Variants in PRKCA observed in about 807,000 individuals in gnomAD.
PRKCA encodes the protein protein kinase C alpha.
Under a neutral mutation model 87.0 loss-of-function variants are expected in PRKCA, and 27 were observed. That is an observed-to-expected ratio of 0.31 (90% CI 0.23 to 0.43). PRKCA has a LOEUF of 0.43. PRKCA is among the 20% of genes least tolerant of loss of function. The pLI is 1.00. For synonymous variants in PRKCA, 329 were observed against 311.1 expected (o/e 1.06, Z -0.61); for missense variants, 518 against 852.3 (o/e 0.61, Z 4.88).
intron 2 of PRKCA, among the ~76,000 whole-genome samples, chr17:66,455,094 C>T (rs1055199188): frequency 6.6e-6 from 1 of 152,158 alleles, no homozygotes; most frequent in Non-Finnish European, 1.5e-5. Flanking sequence ...CTTATTTTTC[C>T]CAGATGAGGA....
At chr17:66,699,882 A>T (rs1255381539) in intron 8 of PRKCA, among the ~76,000 whole-genome samples, 1 of 152,232 alleles carries the variant, frequency 6.6e-6, no homozygotes, top group Non-Finnish European at 1.5e-5. Context: ...CAAACATTTA[A>T]ATAAGAATTA....
At chr17:66,798,078 C>T (rs938993311) in intron 16 of PRKCA, among the ~76,000 whole-genome samples, 1 of 152,306 alleles carries the variant, frequency 6.6e-6, no homozygotes, top group Middle Eastern at 3.4e-3. Context: ...CCTGCCTCAT[C>T]CCTGAGGAGT....
chr17:66,320,139 A>G (rs1040366456), intron 2 of PRKCA, among the ~76,000 whole-genome samples: 3 of 152,200 alleles, frequency 2.0e-5, no homozygotes, highest in Non-Finnish European at 4.4e-5. Flanking sequence ...TTAGAATTTT[A>G]GAGTAAGAAA....
intron 5 of PRKCA, among the ~76,000 whole-genome samples, chr17:66,668,149 C>T (rs184009778): frequency 5.3e-5 from 8 of 152,188 alleles, no homozygotes; most frequent in African/African-American, 1.2e-4. Flanking sequence ...ACAGGGTCTT[C>T]GACCAGCCAA....
chr17:66,401,548 G>T (rs1176892112), intron 2 of PRKCA, among the ~76,000 whole-genome samples: 2 of 152,188 alleles, frequency 1.3e-5, no homozygotes, highest in Non-Finnish European at 2.9e-5. Context: ...GATGTGGACG[G>T]CTTTGTGCTC....
Position 66,411,245 on chromosome 17 carries a change from T to TA in PRKCA, c.206-84956_206-84955insA, listed in dbSNP as rs990785345. On this transcript the variant is annotated intron_variant, in intron 2 of 16. Transcript: ENST00000413366. ...CCCCTGTAGCACCAACATCTGGCTT[T>TA]TTTTTTTTTTTTTAAGATAGATTCT... Among the ~76,000 whole-genome samples the TA allele has an allele frequency of 2.0e-5, 3 of 149,546 alleles. No homozygotes were observed. In the East Asian group the frequency reaches 6.0e-4, roughly 30 times the overall value.
intron 14 of PRKCA, chr17:66,777,494 T>A (rs1975084653): frequency 1.0e-6 from 1 of 965,390 alleles, no homozygotes; most frequent in African/African-American, 2.0e-5. Flanking sequence ...AGAAAGGCAG[T>A]TCGTACACAG....
intron 3 of PRKCA, among the ~76,000 whole-genome samples, chr17:66,522,809 TAA>T (rs1229424235): frequency 1.1e-4 from 14 of 126,276 alleles, no homozygotes; most frequent in Non-Finnish European, 1.2e-4. Flanking sequence ...GGTCGCTCAC[TAA>T]AAAAAAAAAA....
chr17:66,373,528 A>C (rs930084027), intron 2 of PRKCA, among the ~76,000 whole-genome samples: 5 of 152,176 alleles, frequency 3.3e-5, no homozygotes, highest in Admixed American at 3.3e-4. Context: ...ATATCGATTC[A>C]AGTTGTAGGA....
Position 66,624,619 on chromosome 17 carries a change from G to C in PRKCA, c.289-16736G>C, listed in dbSNP as rs528531805. On this transcript the variant is annotated intron_variant, in intron 3 of 16. Transcript: ENST00000413366. ...AGTTTGAGACCAGCGTGGCCAACGT[G>C]GTGAAACCCCCTCTCTACTAAAAAT... Among the ~76,000 whole-genome samples, 11 of 152,098 alleles carry C rather than the reference G, an allele frequency of 7.2e-5. No homozygotes were observed. In the East Asian group the frequency reaches 2.1e-3, roughly 29 times the overall value.
chr17:66,347,941 C>CTTT lies in PRKCA; in HGVS notation c.205+41831_205+41833dup, dbSNP rs57292153. The stretch of plus-strand genomic sequence containing the variant: ...AGAATATTTACTCAGAATTCTGAAC[C>CTTT]TTTTTTTTTTTTTTTTTTTGAGACA... On this transcript the variant is annotated intron_variant, in intron 2 of 16. Transcript: ENST00000413366. Among the ~76,000 whole-genome samples the CTTT allele has an allele frequency of 3.7e-3, 209 of 56,452 alleles. 30 individuals are homozygous for CTTT. Among genetic ancestry groups the CTTT allele is most frequent in the Middle Eastern group, 0.026 (1 of 38 alleles). The allele number at this position is 56,452 out of a possible 152,430, so 37.0% of individuals were successfully genotyped here.
intron 2 of PRKCA, among the ~76,000 whole-genome samples, chr17:66,441,344 C>CAAA (rs141623507): frequency 3.0e-4 from 42 of 140,278 alleles, no homozygotes; most frequent in Admixed American, 1.9e-3. Context: ...GCCCTGTTTC[C>CAAA]AAAAAAAAAA....
chr17:66,787,166 T>C, intron 15 of PRKCA, 192 bp downstream of exon 15: 1 of 765,800 alleles, frequency 1.3e-6, no homozygotes, highest in Non-Finnish European at 2.4e-6. Context: ...CATGGATTAG[T>C]CTTGGCCTGT....
chr17:66,414,909 G>C (rs1263622403), intron 2 of PRKCA: 1 of 152,038 alleles, frequency 6.6e-6, no homozygotes, highest in East Asian at 1.9e-4. Flanking sequence ...ATGATGTTAA[G>C]AAGAGTGGCA....
chr17:66,649,596 C>T (rs192880849), intron 5 of PRKCA, among the ~76,000 whole-genome samples: 1 of 152,338 alleles, frequency 6.6e-6, no homozygotes, highest in African/African-American at 2.4e-5. Flanking sequence ...CACACTCTTG[C>T]TTTCAGTGCA....
chr17:66,348,364 ACTGTCAC>A (rs1274906398), intron 2 of PRKCA, among the ~76,000 whole-genome samples: 1 of 152,194 alleles, frequency 6.6e-6, no homozygotes, highest in Admixed American at 6.5e-5. Context: ...ACCGCCTGGC[ACTGTCAC>A]CTTGACTCAG....
intron 14 of PRKCA, among the ~76,000 whole-genome samples, chr17:66,778,717 T>C (rs1386374657): frequency 6.6e-6 from 1 of 151,720 alleles, no homozygotes; most frequent in African/African-American, 2.4e-5. Flanking sequence ...GGCAAGTGCC[T>C]GTCATCCCAG....
intron 2 of PRKCA, among the ~76,000 whole-genome samples, chr17:66,426,370 G>A (rs1327019530): frequency 3.9e-5 from 6 of 152,160 alleles, no homozygotes; most frequent in African/African-American, 1.4e-4. Flanking sequence ...ACTTGGGAGT[G>A]GTGTTTGACC....
At chr17:66,604,060 C>T (rs1186356406) in intron 3 of PRKCA, among the ~76,000 whole-genome samples, 2 of 152,184 alleles carry the variant, frequency 1.3e-5, no homozygotes, top group South Asian at 2.1e-4. Flanking sequence ...CCCACTGAAG[C>T]CTTCCTCTCC....
Sources: allele counts gnomAD v4.1 joint callset (sites outside exome capture counted in the v4.1 genomes callset), GRCh38; gene constraint gnomAD v4.1.1; transcripts MANE v1.5; gene names NCBI Gene and HGNC (gene_info 2026-07-23, HGNC 2026-07-21).